The following ADAMTS17 variants were observed in gnomAD, a reference collection of about 807,000 sequenced individuals.
ADAMTS17 encodes A disintegrin and metalloproteinase with thrombospondin motifs 17.
In ADAMTS17, 113 loss-of-function variants were observed where a neutral mutation model predicts 141.5. The ratio of observed to expected loss-of-function variants is 0.80; its 90% confidence interval spans 0.69 to 0.93. ADAMTS17 has a LOEUF of 0.93. Ranked by LOEUF, ADAMTS17 falls within the 40% of genes least tolerant of loss-of-function variation. ADAMTS17 has a pLI of 0.00. For synonymous variants in ADAMTS17, 768 were observed against 630.6 expected (o/e 1.22, Z -3.27); for missense variants, 1,659 against 1,517.9 (o/e 1.09, Z -1.54).
chr15:100,112,906 G>A (rs1179284379), intron 13 of ADAMTS17, among the ~76,000 whole-genome samples: 1 of 152,202 alleles, frequency 6.6e-6, no homozygotes, highest in Non-Finnish European at 1.5e-5. Flanking sequence ...TTCCTCTGCA[G>A]TGAAGAAGAC....
intron 15 of ADAMTS17, among the ~76,000 whole-genome samples, chr15:100,091,028 A>AAAAAAAAAAAAAAAAAG (rs369355348): frequency 2.1e-5 from 3 of 143,638 alleles, no homozygotes; most frequent in Non-Finnish European, 4.5e-5. Flanking sequence ...AAAAAAAAAA[A>AAAAAAAAAAAAAAAAAG]GGGTAACCAA....
intron 3 of ADAMTS17, among the ~76,000 whole-genome samples, chr15:100,324,382 G>T (rs1029972498): frequency 2.0e-4 from 30 of 152,100 alleles, no homozygotes; most frequent in African/African-American, 6.5e-4. Flanking sequence ...TCTGAATACT[G>T]GATACGCAGG....
chr15:100,341,954 A>C lies in ADAMTS17; in HGVS notation c.-55T>G. 2 of 1,541,854 alleles carry C rather than the reference A, an allele frequency of 1.3e-6. No homozygotes were observed. The highest frequency in any genetic ancestry group is 1.2e-5 in the South Asian group (1 of 83,820). On this transcript the variant is annotated 5_prime_UTR_variant, in exon 1 of 22. Coordinates refer to ENST00000268070, the MANE Select transcript of ADAMTS17 (RefSeq NM_139057.4). ...CGTGGCGGCGAAGCAGGAGCGCGCTAGGCGGCGGCGCCAGCCGGAGTGAAG... is the reference window on the plus strand; with the variant it reads ...CGTGGCGGCGAAGCAGGAGCGCGCTCGGCGGCGGCGCCAGCCGGAGTGAAG...
At chr15:100,175,284 A>C (rs950593092) in intron 8 of ADAMTS17, among the ~76,000 whole-genome samples, 2 of 152,208 alleles carry the variant, frequency 1.3e-5, no homozygotes, top group African/African-American at 4.8e-5. Flanking sequence ...AACAGAGCAG[A>C]GACTAATTGG....
chr15:100,107,278 G>C (rs755966206), intron 14 of ADAMTS17, among the ~76,000 whole-genome samples: 1 of 152,184 alleles, frequency 6.6e-6, no homozygotes, highest in Non-Finnish European at 1.5e-5. Context: ...AGCATAAGCA[G>C]ATCTGCTGTC....
At chr15:100,006,253 G>C (rs1446708163) in intron 18 of ADAMTS17, among the ~76,000 whole-genome samples, 1 of 152,170 alleles carries the variant, frequency 6.6e-6, no homozygotes, top group Non-Finnish European at 1.5e-5. Context: ...CCACACAGGA[G>C]GCCACATATT....
intron 3 of ADAMTS17, among the ~76,000 whole-genome samples, chr15:100,304,387 T>G (rs2045149903): frequency 6.6e-6 from 1 of 152,352 alleles, no homozygotes; most frequent in African/African-American, 2.4e-5. Flanking sequence ...AACCTTATAA[T>G]TCGCAAATTT....
chr15:100,194,400 C>G (rs541252186), intron 8 of ADAMTS17, among the ~76,000 whole-genome samples: 1 of 152,344 alleles, frequency 6.6e-6, no homozygotes, highest in South Asian at 2.1e-4. Context: ...CACTCAGCAG[C>G]CTTCACAGAG....
intron 18 of ADAMTS17, among the ~76,000 whole-genome samples, chr15:100,002,842 G>A (rs957519620): frequency 3.3e-5 from 5 of 151,900 alleles, no homozygotes; most frequent in Admixed American, 6.6e-5. Flanking sequence ...CCTTCCTGCT[G>A]TCCAGCCCTT....
At chr15:100,168,943 A>G (rs2040054801) in intron 8 of ADAMTS17, among the ~76,000 whole-genome samples, 1 of 152,214 alleles carries the variant, frequency 6.6e-6, no homozygotes, top group Non-Finnish European at 1.5e-5. Context: ...CATCTGCCTT[A>G]GCACATTCCC....
Position 100,096,435 on chromosome 15 carries a change from C to T in ADAMTS17, c.2058G>A (p.Glu686=). Residue 686 remains glutamate (E), a synonymous_variant, in exon 15 of 22, where the codon GAG becomes GAA. Transcript: ENST00000268070. Reference sequence around the variant, plus strand: ...CCCCGCTGCAGACCCCGCATCTGTCCTCTTTGGCTGCAGACCCGATGATGC... The same window carrying T: ...CCCCGCTGCAGACCCCGCATCTGTCTTCTTTGGCTGCAGACCCGATGATGC... ...CDGIIGSAAK[E]DRCGVCSGDG... The T allele has an allele frequency of 1.2e-6, 2 of 1,614,190 alleles. No individual in the cohort carries two copies. The highest frequency in any genetic ancestry group is 1.1e-5 in the South Asian group (1 of 91,092).
intron 16 of ADAMTS17, among the ~76,000 whole-genome samples, chr15:100,052,731 C>A (rs1173269093): frequency 1.3e-5 from 2 of 152,140 alleles, no homozygotes; most frequent in East Asian, 3.8e-4. Flanking sequence ...CAATCTTATC[C>A]CAGATAAATG....
At chr15:99,991,290 C>G (rs577400263) in intron 20 of ADAMTS17, among the ~76,000 whole-genome samples, 2 of 152,152 alleles carry the variant, frequency 1.3e-5, no homozygotes, top group Non-Finnish European at 2.9e-5. Flanking sequence ...AGGCTAATAT[C>G]CAGAATCTAC....
Position 100,134,489 on chromosome 15 carries a change from G to C in ADAMTS17, c.1474-1174C>G, listed in dbSNP as rs567102670. 7.9e-5 allele frequency among the ~76,000 whole-genome samples: 12 copies of C among 152,282 alleles called. No homozygotes were observed. The East Asian group carries it at 2.3e-3, about 29-fold the overall frequency. ...ACATCACCCTCCAGGGTGTGGCCAG[G>C]GACCTGCTGCTTCACACTGAGCAGG... On this transcript the variant is annotated intron_variant, in intron 10 of 21. Coordinates refer to ENST00000268070, the MANE Select transcript of ADAMTS17 (RefSeq NM_139057.4).
chr15:100,108,468 C>T (rs1237370079), intron 14 of ADAMTS17, among the ~76,000 whole-genome samples: 1 of 152,172 alleles, frequency 6.6e-6, no homozygotes, highest in African/African-American at 2.4e-5. Flanking sequence ...GCCACCGCAC[C>T]CGGCCTCTCT....
intron 10 of ADAMTS17, among the ~76,000 whole-genome samples, chr15:100,147,420 C>T (rs1178266131): frequency 3.3e-5 from 5 of 152,212 alleles, no homozygotes; most frequent in Admixed American, 6.5e-5. Flanking sequence ...ACCTACTACA[C>T]ACCTAGGCTC....
At chr15:100,081,938 A>G (rs2034765007) in intron 15 of ADAMTS17, among the ~76,000 whole-genome samples, 1 of 152,260 alleles carries the variant, frequency 6.6e-6, no homozygotes, top group South Asian at 2.1e-4. Context: ...CAGTAGTTTA[A>G]AAAATGTCCA....
At chr15:100,294,767 G>A (rs958541195) in intron 3 of ADAMTS17, among the ~76,000 whole-genome samples, 1 of 152,218 alleles carries the variant, frequency 6.6e-6, no homozygotes, top group Admixed American at 6.5e-5. Context: ...ACATTCCAGG[G>A]GGAGTGGAGG....
intron 2 of ADAMTS17, among the ~76,000 whole-genome samples, chr15:100,331,388 C>A (rs529480253): frequency 2.0e-4 from 30 of 152,170 alleles, no homozygotes; most frequent in African/African-American, 6.0e-4. Context: ...AATCATCCCC[C>A]CAAAAGTCCA....
Sources: gnomAD v4.1 joint callset for allele counts (sites outside exome capture counted in the v4.1 genomes callset) on GRCh38, gnomAD v4.1.1 for gene constraint, MANE v1.5 for transcripts, NCBI Gene and HGNC (gene_info 2026-07-23, HGNC 2026-07-21) for gene names.